Variants in FAM184A observed in about 807,000 individuals in gnomAD.
FAM184A encodes the protein protein FAM184A.
A neutral mutation model predicts 143.8 loss-of-function variants in FAM184A; 99 were observed. The ratio of observed to expected loss-of-function variants is 0.69; its 90% CI spans 0.58 to 0.81. The LOEUF is 0.81. FAM184A is among the 40% of genes least tolerant of loss of function. The pLI is 0.00. For synonymous variants in FAM184A, 427 were observed against 446.4 expected (o/e 0.96, Z 0.55); for missense variants, 1,217 against 1,310.5 (o/e 0.93, Z 1.10).
At chr6:118,975,660 C>T (rs1287298225) in intron 12 of FAM184A, among the ~76,000 whole-genome samples, 2 of 152,222 alleles carry the variant, frequency 1.3e-5, no homozygotes, top group Non-Finnish European at 2.9e-5. Context: ...ACAAAGCAGA[C>T]TTAGTTTAGT....
At chr6:119,060,730 T>C (rs1191686809) in intron 1 of FAM184A, among the ~76,000 whole-genome samples, 3 of 152,130 alleles carry the variant, frequency 2.0e-5, no homozygotes, top group African/African-American at 4.8e-5. Flanking sequence ...TGGTACTGAA[T>C]AGTGAGTTAG....
chr6:119,029,383 C>T (rs973707165), intron 1 of FAM184A, among the ~76,000 whole-genome samples: 21 of 152,130 alleles, frequency 1.4e-4, no homozygotes, highest in African/African-American at 4.1e-4. Flanking sequence ...TTAAATTTCC[C>T]TCGAAGCTTT....
intron 1 of FAM184A, among the ~76,000 whole-genome samples, chr6:119,046,385 C>A (rs977714565): frequency 6.6e-6 from 1 of 151,892 alleles, no homozygotes; most frequent in Non-Finnish European, 1.5e-5. Context: ...CAACCACACC[C>A]AGCTAAGGTT....
chr6:119,106,014 C>T (rs1788767195), intron 1 of FAM184A, among the ~76,000 whole-genome samples: 2 of 152,144 alleles, frequency 1.3e-5, no homozygotes, highest in Admixed American at 1.3e-4. Context: ...TTTAAGGTCA[C>T]ATAATTGTCT....
chr6:119,097,904 C>T (rs1788548606), intron 1 of FAM184A, among the ~76,000 whole-genome samples: 1 of 152,186 alleles, frequency 6.6e-6, no homozygotes, highest in Non-Finnish European at 1.5e-5. Context: ...TATCTGACTA[C>T]ATTGTCTGAT....
intron 1 of FAM184A, among the ~76,000 whole-genome samples, chr6:119,033,525 C>T (rs145804851): frequency 0.039 from 5,846 of 151,628 alleles, 125 homozygotes; most frequent in African/African-American, 0.048. Context: ...ATTATCTGGG[C>T]GTAGTGGCAG....
intron 1 of FAM184A, among the ~76,000 whole-genome samples, chr6:119,057,447 T>C (rs1340015632): frequency 6.6e-6 from 1 of 152,184 alleles, no homozygotes; most frequent in Non-Finnish European, 1.5e-5. Flanking sequence ...GTGTTTAAAA[T>C]GGCAAAGAAG....
chr6:119,111,522 T>G (rs1788933768), intron 1 of FAM184A, among the ~76,000 whole-genome samples: 1 of 152,148 alleles, frequency 6.6e-6, no homozygotes, highest in African/African-American at 2.4e-5. Flanking sequence ...AAAAGATAAT[T>G]TTTTAAAATG....
intron 1 of FAM184A, among the ~76,000 whole-genome samples, chr6:119,110,156 A>G (rs1788896311): frequency 6.6e-6 from 1 of 152,172 alleles, no homozygotes; most frequent in Non-Finnish European, 1.5e-5. Flanking sequence ...TGGGTAGCCC[A>G]GGGATCCTGG....
chr6:119,083,931 C>G (rs546937040), intron 1 of FAM184A, among the ~76,000 whole-genome samples: 1 of 152,270 alleles, frequency 6.6e-6, no homozygotes, highest in South Asian at 2.1e-4. Flanking sequence ...TGTTTTCACA[C>G]TGCTATAAAG....
Position 119,100,444 on chromosome 6 carries a change from TC to T in FAM184A, c.-202+48633del, listed in dbSNP as rs199884121. Among the ~76,000 whole-genome samples the T allele has an allele frequency of 2.3e-4, 35 of 152,122 alleles. No individual in the cohort carries two copies. The East Asian group carries it at 6.4e-3, about 28-fold the overall frequency. On this transcript the variant is annotated intron_variant, in intron 1 of 16. Transcript: ENST00000352896. ...CTGCCCATTACTGGTTGAAGTTTGC[TC>T]CCCAGGAAATTAACTCCCTGAGAGC...
Position 119,026,691 on chromosome 6 carries a change from CA to C in FAM184A, c.160-1879del, listed in dbSNP as rs546146612. ...ATTAAAACAGAGATCATAAGACTGA[CA>C]AAACAGACTCTTCATAGCAATAAAA... is the stretch of plus-strand genomic sequence containing the variant. On this transcript the variant is annotated intron_variant, in intron 1 of 17. Transcript: ENST00000338891. Among the ~76,000 whole-genome samples the C allele has an allele frequency of 6.2e-3, 944 of 152,232 alleles. 7 individuals are homozygous for C. The highest frequency in any genetic ancestry group is 0.021 in the African/African-American group (876 of 41,518).
intron 1 of FAM184A, among the ~76,000 whole-genome samples, chr6:119,064,652 G>C (rs1787377471): frequency 6.6e-6 from 1 of 152,182 alleles, no homozygotes; most frequent in Non-Finnish European, 1.5e-5. Flanking sequence ...GCTGCAGTAA[G>C]CTATTACTAT....
intron 9 of FAM184A, among the ~76,000 whole-genome samples, chr6:118,986,254 C>A (rs1372604257): frequency 6.6e-6 from 1 of 151,928 alleles, no homozygotes. Context: ...GATTGCGCCA[C>A]TGCACTCCAG....
At chr6:119,026,287 T>C (rs930315730) in intron 1 of FAM184A, among the ~76,000 whole-genome samples, 7 of 152,164 alleles carry the variant, frequency 4.6e-5, no homozygotes, top group African/African-American at 1.7e-4. Flanking sequence ...AATTCCAAAT[T>C]ATGTTCCCAA....
At chr6:119,106,999 T>C (rs187382909) in intron 1 of FAM184A, among the ~76,000 whole-genome samples, 20 of 152,352 alleles carry the variant, frequency 1.3e-4, no homozygotes, top group Admixed American at 1.2e-3. Flanking sequence ...TTTCCTGAAA[T>C]GTTTTTGTAG....
At chr6:119,018,633 T>C (rs1785344715) in intron 4 of FAM184A, among the ~76,000 whole-genome samples, 1 of 152,164 alleles carries the variant, frequency 6.6e-6, no homozygotes, top group Admixed American at 6.5e-5. Flanking sequence ...TTAAGCAAAT[T>C]ATATACTTTT....
intron 9 of FAM184A, among the ~76,000 whole-genome samples, chr6:118,991,751 CTTTTTTT>C (rs61476918): frequency 4.2e-4 from 18 of 42,370 alleles, no homozygotes; most frequent in African/African-American, 1.7e-3. Context: ...CCTGAGAGGA[CTTTTTTT>C]TTTTTTTTTT....
intron 1 of FAM184A, among the ~76,000 whole-genome samples, chr6:119,123,904 T>G (rs969853847): frequency 1.3e-5 from 2 of 152,244 alleles, no homozygotes; most frequent in Non-Finnish European, 2.9e-5. Flanking sequence ...CATTTGCTGA[T>G]TGTGCCATTA....
Sources: gnomAD v4.1 joint callset for allele counts (sites outside exome capture counted in the v4.1 genomes callset) on GRCh38, gnomAD v4.1.1 for gene constraint, MANE v1.5 for transcripts, NCBI Gene and HGNC (gene_info 2026-07-23, HGNC 2026-07-21) for gene names.